The following RFC3 variants were observed in gnomAD, a reference collection of about 807,000 sequenced individuals.
RFC3 encodes the protein replication factor C subunit 3, also known as A1 38 kDa subunit.
A neutral mutation model predicts 45.1 loss-of-function variants in RFC3; 41 were observed. The observed-to-expected ratio is 0.91, with a 90% confidence interval of 0.71 to 1.18. The LOEUF (loss-of-function observed/expected upper bound fraction) is 1.18. RFC3 is among the 50% of genes most tolerant of loss of function. RFC3 has a pLI of 0.00. For missense variants in RFC3, 423 were observed against 428.1 expected (o/e 0.99, Z 0.10); for synonymous variants, 149 against 144.0 (o/e 1.03, Z -0.25).
At chr13:33,945,719 G>C (rs1272487354) in intron 8 of RFC3, among the ~76,000 whole-genome samples, 3 of 152,212 alleles carry the variant, frequency 2.0e-5, no homozygotes, top group African/African-American at 7.2e-5. Flanking sequence ...TAATCACCAT[G>C]TGGTTTCAAC....
intron 7 of RFC3, among the ~76,000 whole-genome samples, chr13:33,833,380 C>A (rs1236258996): frequency 6.6e-6 from 1 of 151,380 alleles, no homozygotes; most frequent in Non-Finnish European, 1.5e-5. Flanking sequence ...AAAAAAAAAA[C>A]CCTGACATTT....
intron 2 of RFC3, among the ~76,000 whole-genome samples, chr13:33,822,549 T>C (rs1305251987): frequency 6.6e-6 from 1 of 152,016 alleles, no homozygotes; most frequent in East Asian, 1.9e-4. Context: ...GGCATGAAAA[T>C]AGAGAATTAG....
At chr13:33,916,734 A>G (rs554795746) in intron 8 of RFC3, among the ~76,000 whole-genome samples, 32 of 150,670 alleles carry the variant, frequency 2.1e-4, no homozygotes, top group Non-Finnish European at 3.8e-4. Context: ...GCATATACAC[A>G]TAGGTGTGTA....
At chr13:33,948,643 T>A (rs2082969631) in intron 8 of RFC3, among the ~76,000 whole-genome samples, 1 of 152,200 alleles carries the variant, frequency 6.6e-6, no homozygotes, top group Non-Finnish European at 1.5e-5. Flanking sequence ...GGCTGTACCC[T>A]GCAAAGCCAC....
At chr13:33,958,485 T>G (rs774185246) in intron 8 of RFC3, among the ~76,000 whole-genome samples, 20 of 152,246 alleles carry the variant, frequency 1.3e-4, no homozygotes, top group Non-Finnish European at 2.6e-4. Flanking sequence ...ACAACTGACA[T>G]GTTTGTACCA....
At chr13:33,938,858 T>C (rs1339035832) in intron 8 of RFC3, among the ~76,000 whole-genome samples, 1 of 152,200 alleles carries the variant, frequency 6.6e-6, no homozygotes, top group Non-Finnish European at 1.5e-5. Context: ...AAAGTGATTA[T>C]ACAAATTTAC....
chr13:33,937,970 C>G (rs780494194), intron 8 of RFC3, among the ~76,000 whole-genome samples: 1 of 151,938 alleles, frequency 6.6e-6, no homozygotes, highest in Non-Finnish European at 1.5e-5. Context: ...AGACAATGCC[C>G]CATTGTGCTT....
intron 8 of RFC3, among the ~76,000 whole-genome samples, chr13:33,938,544 A>G (rs1387656491): frequency 6.6e-6 from 1 of 152,148 alleles, no homozygotes; most frequent in Non-Finnish European, 1.5e-5. Context: ...TCTGTTTTGG[A>G]AACTTATACA....
At chr13:33,860,673 A>T (rs1262774113) in intron 8 of RFC3, among the ~76,000 whole-genome samples, 1 of 152,194 alleles carries the variant, frequency 6.6e-6, no homozygotes, top group African/African-American at 2.4e-5. Context: ...CAAGGAGAGA[A>T]GAAAGGGAAA....
chr13:33,863,769 T>A (rs1480355809), intron 8 of RFC3, among the ~76,000 whole-genome samples: 1 of 152,194 alleles, frequency 6.6e-6, no homozygotes, highest in Non-Finnish European at 1.5e-5. Context: ...CTCTATGCTT[T>A]TTGTATGTGA....
chr13:33,896,025 G>C (rs1210838438), intron 8 of RFC3, among the ~76,000 whole-genome samples: 1 of 151,884 alleles, frequency 6.6e-6, no homozygotes, highest in Non-Finnish European at 1.5e-5. Flanking sequence ...GAGTGGGAGT[G>C]AAAGGAATAA....
At chr13:33,864,185 T>C (rs1349199795) in intron 8 of RFC3, among the ~76,000 whole-genome samples, 2 of 152,098 alleles carry the variant, frequency 1.3e-5, no homozygotes, top group East Asian at 3.9e-4. Context: ...ACTCGTAGAA[T>C]GATAAATCAT....
intron 8 of RFC3, among the ~76,000 whole-genome samples, chr13:33,898,754 C>G (rs1190807585): frequency 6.6e-6 from 1 of 151,274 alleles, no homozygotes; most frequent in Non-Finnish European, 1.5e-5. Flanking sequence ...GAAACTTTAG[C>G]TATACTAAGA....
At chr13:33,950,934 A>G (rs2082985966) in intron 8 of RFC3, among the ~76,000 whole-genome samples, 2 of 149,550 alleles carry the variant, frequency 1.3e-5, no homozygotes, top group East Asian at 3.9e-4. Flanking sequence ...TCTTCCCTTC[A>G]CTTATTCCTC....
Position 33,859,799 on chromosome 13 carries a change from A to G in RFC3, c.879+24582A>G, listed in dbSNP as rs1035780990. Among the ~76,000 whole-genome samples the G allele has an allele frequency of 6.9e-4, 105 of 152,308 alleles. 1 individual carries two copies. Among genetic ancestry groups the G allele is most frequent in the African/African-American group, 2.4e-3 (100 of 41,556 alleles). The stretch of plus-strand genomic sequence containing the variant: ...ATGCCATGGACTGAATTTTGTCCTC[A>G]ATGGTGGATAAATGACTCACTTCTG... On this transcript the variant is annotated intron_variant, in intron 8 of 8. Coordinates refer to the RFC3 transcript ENST00000434425.
intron 8 of RFC3, among the ~76,000 whole-genome samples, chr13:33,851,453 A>G (rs1033235770): frequency 1.3e-5 from 2 of 152,186 alleles, no homozygotes; most frequent in African/African-American, 2.4e-5. Flanking sequence ...TTCTTACCAT[A>G]AAGTCAGATA....
intron 7 of RFC3, among the ~76,000 whole-genome samples, chr13:33,833,224 G>A (rs1022167089): frequency 3.3e-5 from 5 of 152,160 alleles, no homozygotes; most frequent in African/African-American, 1.2e-4. Flanking sequence ...TTGTGGTCTC[G>A]ATTTTTCATT....
intron 8 of RFC3, among the ~76,000 whole-genome samples, chr13:33,890,126 T>C (rs559161576): frequency 1.3e-5 from 2 of 152,168 alleles, no homozygotes; most frequent in Non-Finnish European, 2.9e-5. Flanking sequence ...TGTTAAAGTC[T>C]CCGAGGGTGT....
At chr13:33,837,706 G>A (rs1171180124), downstream of RFC3, among the ~76,000 whole-genome samples, 1 of 151,942 alleles carries the variant, frequency 6.6e-6, no homozygotes, top group Non-Finnish European at 1.5e-5. Context: ...CTATGTTGTT[G>A]TCCATTTATA....
Sources: allele counts gnomAD v4.1 joint callset (sites outside exome capture counted in the v4.1 genomes callset), GRCh38; gene constraint gnomAD v4.1.1; transcripts MANE v1.5; gene names NCBI Gene and HGNC (gene_info 2026-07-23, HGNC 2026-07-21).